Variants in RPA2 observed in about 807,000 individuals in gnomAD.
RPA2 encodes replication protein A2.
A neutral mutation model predicts 33.4 loss-of-function variants in RPA2; 22 were observed. That is an observed-to-expected ratio of 0.66 (90% CI 0.47 to 0.94). The LOEUF (loss-of-function observed/expected upper bound fraction) is 0.94. Among genes scored for constraint, RPA2 ranks in the 40% least tolerant of loss-of-function variants. The probability of loss-of-function intolerance (pLI) is 0.00; values close to 1 mark genes in which losing one functional copy is unlikely to be tolerated. For missense variants in RPA2, 279 were observed against 329.9 expected (o/e 0.85, Z 1.19); for synonymous variants, 109 against 114.9 (o/e 0.95, Z 0.33).
chr1:27,914,215 C>T (rs1046774033), intron 1 of RPA2, 46 bp from the exon 2 acceptor site: 1 of 1,610,814 alleles, frequency 6.2e-7, no homozygotes, highest in Non-Finnish European at 8.5e-7. Flanking sequence ...TCCCACGCCT[C>T]CGAGAAACCC....
rs766752338 is a variant in RPA2 at position 27,897,642 on chromosome 1, T to C, written c.399A>G (p.Arg133=). The change falls in exon 5 of 9, where the codon AGA becomes AGG. Residue 133 remains arginine (R), a synonymous_variant. Coordinates refer to ENST00000373912, the MANE Select transcript of RPA2 (RefSeq NM_002946.5). ...TTTATTCTGACTTTACCTGAAAAGATCTCAGGTGGCCTGCCACTTTCACAT... is the reference window on the plus strand; with the variant it reads ...TTTATTCTGACTTTACCTGAAAAGACCTCAGGTGGCCTGCCACTTTCACAT... ...ETYVKVAGHL[R]SFQNKKSLVA... 2.5e-6 allele frequency: 4 copies of C among 1,602,220 alleles called. No individual in the cohort carries two copies. The highest frequency in any genetic ancestry group is 1.7e-5 in the Admixed American group (1 of 58,648).
chr1:27,892,139 T>C lies in RPA2; in HGVS notation c.*24A>G, dbSNP rs371944284. On this transcript the variant is annotated 3_prime_UTR_variant, in exon 9 of 9. Transcript: ENST00000373912. ...TGAAACTAGGTCCAGCTGTAAAATA[T>C]CTCAGGTACCCAGTTAGATCCAGTT... 1.9e-6 allele frequency: 3 copies of C among 1,584,500 alleles called. No individual in the cohort carries two copies. Among genetic ancestry groups the C allele is most frequent in the East Asian group, 2.2e-5 (1 of 44,614 alleles).
chr1:27,903,973 T>C (rs1390638614), intron 4 of RPA2, among the ~76,000 whole-genome samples: 1 of 151,438 alleles, frequency 6.6e-6, no homozygotes, highest in Non-Finnish European at 1.5e-5. Context: ...GAGACCACCC[T>C]GACCAATACA....
At chr1:27,914,601 G>C, upstream of RPA2, 1 of 1,613,684 alleles carries the variant, frequency 6.2e-7, no homozygotes, top group Non-Finnish European at 8.5e-7. Flanking sequence ...CTCCCGGGGT[G>C]CTCGCTTCAG....
At chr1:27,898,038 T>C (rs2089915027) in intron 4 of RPA2, among the ~76,000 whole-genome samples, 1 of 152,224 alleles carries the variant, frequency 6.6e-6, no homozygotes, top group South Asian at 2.1e-4. Flanking sequence ...TCACCCAGGC[T>C]GGAGTGCAGT....
intron 4 of RPA2, among the ~76,000 whole-genome samples, chr1:27,902,583 TCA>T (rs2089981287): frequency 6.6e-6 from 1 of 151,876 alleles, no homozygotes; most frequent in African/African-American, 2.4e-5. Context: ...CCGCACCTAG[TCA>T]AAAAGACTAT....
chr1:27,914,568 C>T lies in RPA2; in HGVS notation c.-125G>A, dbSNP rs534259939. The T allele has an allele frequency of 1.9e-6, 3 of 1,612,152 alleles. No individual in the cohort carries two copies. In the East Asian group the frequency reaches 6.7e-5, roughly 36 times the overall value. On this transcript the variant is annotated 5_prime_UTR_variant, in exon 1 of 9. Transcript: ENST00000373912. ...TTTCTCTGGCACCACAAACGCCTTC[C>T]CGCGAATGGCGGAGCCAGTCAGCTC...
rs1313325257 is a variant in RPA2, at chr1:27,894,349, C to G, written c.574G>C (p.Gly192Arg). 2 of 1,614,108 alleles carry G rather than the reference C, an allele frequency of 1.2e-6. No individual in the cohort carries two copies. The highest frequency in any genetic ancestry group is 1.7e-5 in the Admixed American group (1 of 60,022). ...ATGAAGCTATTCCCACCAAAGTTCC[C>G]TGCTTCACTCATTCCTGGATTGCTG... ...PISNPGMSEA[G>R]NFGGNSFMPA... Residue 192 changes from glycine to arginine, a missense_variant, in exon 7 of 9, where the codon GGG becomes CGG. Physicochemically the swap from Gly to Arg is moderately radical, Grantham distance 125 (BLOSUM62 -2). Coordinates refer to ENST00000373912, the MANE Select transcript of RPA2 (RefSeq NM_002946.5).
chr1:27,905,369 C>T (rs1295554041), intron 4 of RPA2, among the ~76,000 whole-genome samples: 1 of 152,204 alleles, frequency 6.6e-6, no homozygotes, highest in Non-Finnish European at 1.5e-5. Flanking sequence ...TCTCGGCTCA[C>T]TGCAACCTCT....
rs747490303 is a variant in RPA2, at chr1:27,914,105, C to T, written c.75G>A (p.Gly25=). The T allele has an allele frequency of 6.2e-7, 1 of 1,610,174 alleles. No homozygotes were observed. The highest frequency in any genetic ancestry group is 8.5e-7 in the Non-Finnish European group (1 of 1,178,704). ...GGAGGYTQSP[G]GFGSPAPSQA... ...GAGAAGGTGCGGGCGATCCAAAGCC[C>T]CCCGGGGACTGCGTGTAGCCGCCGG... Residue 25 remains glycine (G), a synonymous_variant, in exon 2 of 9, where the codon GGG becomes GGA. Transcript: ENST00000373912.
intron 4 of RPA2, among the ~76,000 whole-genome samples, chr1:27,900,204 C>T (rs1044501265): frequency 1.1e-4 from 16 of 149,686 alleles, no homozygotes; most frequent in Middle Eastern, 3.4e-3. Flanking sequence ...CTGTGCCTCC[C>T]GGGTTCAAGT....
At chr1:27,902,091 G>T (rs967359357) in intron 4 of RPA2, among the ~76,000 whole-genome samples, 3 of 151,600 alleles carry the variant, frequency 2.0e-5, no homozygotes, top group Non-Finnish European at 2.9e-5. Context: ...TCACTGAAAA[G>T]ACTATTTTTT....
chr1:27,913,524 G>A (rs372287860), intron 2 of RPA2, among the ~76,000 whole-genome samples: 1 of 151,314 alleles, frequency 6.6e-6, no homozygotes, highest in East Asian at 2.0e-4. Flanking sequence ...GGAGGCGGAG[G>A]TTGCGGGGAG....
intron 4 of RPA2, among the ~76,000 whole-genome samples, chr1:27,903,864 T>A (rs1249224288): frequency 2.2e-5 from 2 of 92,844 alleles, no homozygotes; most frequent in African/African-American, 4.1e-5. Context: ...TGTCTCTATT[T>A]AAAAAAAAAA....
intron 4 of RPA2, among the ~76,000 whole-genome samples, chr1:27,905,862 C>T (rs28988925): frequency 3.9e-5 from 2 of 51,810 alleles, no homozygotes; most frequent in Non-Finnish European, 7.3e-5. Context: ...CTCCTGACCT[C>T]GTGATCCGCC....
Position 27,907,189 on chromosome 1 carries a change from T to C in RPA2, c.211A>G (p.Ile71Val). 1.4e-5 allele frequency: 23 copies of C among 1,613,066 alleles called. No individual in the cohort carries two copies. The highest frequency in any genetic ancestry group is 1.9e-5 in the Non-Finnish European group (22 of 1,179,588). ...CAAATTATTTGACATACCTGTGAAA[T>C]CTCAACATTCCCAATTCTGAACACT... Reference protein sequence around the residue: ...DEVFRIGNVEISQVTIVGIIR... With the variant: ...DEVFRIGNVEVSQVTIVGIIR... The change falls in exon 3 of 9, where the codon ATT becomes GTT. Residue 71 changes from isoleucine to valine, a missense_variant. By Grantham distance (29) the Ile-to-Val change is conservative. Coordinates refer to ENST00000373912, the MANE Select transcript of RPA2 (RefSeq NM_002946.5).
chr1:27,914,649 T>G (rs753713321), upstream of RPA2: 2 of 1,613,802 alleles, frequency 1.2e-6, no homozygotes, highest in South Asian at 2.2e-5. Context: ...TGTTCCTGTC[T>G]CCTCTGCCCA....
intron 4 of RPA2, among the ~76,000 whole-genome samples, chr1:27,902,476 G>A (rs749444118): frequency 6.6e-6 from 1 of 151,952 alleles, no homozygotes; most frequent in Non-Finnish European, 1.5e-5. Flanking sequence ...TAGAGACTGG[G>A]TTATACCATG....
At chr1:27,893,365 G>C (rs988665229) in intron 8 of RPA2, among the ~76,000 whole-genome samples, 1 of 152,086 alleles carries the variant, frequency 6.6e-6, no homozygotes, top group African/African-American at 2.4e-5. Context: ...GAGTGCAGTG[G>C]CACAATGATG....
Sources: allele counts gnomAD v4.1 joint callset (sites outside exome capture counted in the v4.1 genomes callset), GRCh38; gene constraint gnomAD v4.1.1; transcripts MANE v1.5; gene names NCBI Gene and HGNC (gene_info 2026-07-23, HGNC 2026-07-21).